SLC35F3: variants seen among roughly 807,000 people sequenced by gnomAD.
SLC35F3 encodes the protein solute carrier family 35 member F3.
Under a neutral mutation model 49.9 loss-of-function variants are expected in SLC35F3, and 25 were observed. The ratio of observed to expected loss-of-function variants is 0.50; its 90% CI spans 0.37 to 0.70. The LOEUF (loss-of-function observed/expected upper bound fraction) is 0.70. Ranked by LOEUF, SLC35F3 falls within the 30% of genes least tolerant of loss-of-function variation. SLC35F3 has a pLI of 0.00. For synonymous variants in SLC35F3, 275 were observed against 265.4 expected, an observed-to-expected ratio of 1.04 and a Z score of -0.35; for missense variants, 525 against 639.8, an observed-to-expected ratio of 0.82 and a Z score of 1.94.
chr1:234,010,746 A>C (rs1663705083), intron 2 of SLC35F3, among the ~76,000 whole-genome samples: 1 of 152,180 alleles, frequency 6.6e-6, no homozygotes, highest in Middle Eastern at 3.2e-3. Context: ...TAGAGCACCT[A>C]AATATAGACT....
intron 2 of SLC35F3, among the ~76,000 whole-genome samples, chr1:234,007,406 G>A (rs984116981): frequency 6.6e-6 from 1 of 152,158 alleles, no homozygotes; most frequent in African/African-American, 2.4e-5. Flanking sequence ...CCAGGGCCAA[G>A]TTCCTCCTGC....
intron 2 of SLC35F3, among the ~76,000 whole-genome samples, chr1:233,930,774 T>A (rs986743820): frequency 5.3e-5 from 8 of 152,194 alleles, no homozygotes; most frequent in Non-Finnish European, 1.2e-4. Flanking sequence ...AAAGAAAATG[T>A]TATTAAGAGA....
At chr1:234,165,059 TG>T (rs1666294140) in intron 2 of SLC35F3, among the ~76,000 whole-genome samples, 1 of 151,438 alleles carries the variant, frequency 6.6e-6, no homozygotes, top group African/African-American at 2.4e-5. Flanking sequence ...TGTGTGTGTG[TG>T]TGTGTGTGTG....
chr1:234,099,172 G>T (rs1329516368), intron 2 of SLC35F3, among the ~76,000 whole-genome samples: 4 of 152,112 alleles, frequency 2.6e-5, no homozygotes, highest in African/African-American at 9.7e-5. Context: ...AATGATGGAG[G>T]TCCAAGTCTG....
At chr1:234,084,717 C>T (rs1272666788) in intron 2 of SLC35F3, among the ~76,000 whole-genome samples, 3 of 152,106 alleles carry the variant, frequency 2.0e-5, no homozygotes. Flanking sequence ...AATGGGTTAT[C>T]ATGTTTCTAG....
At chr1:234,113,734 GC>G (rs1489442876) in intron 2 of SLC35F3, among the ~76,000 whole-genome samples, 10 of 152,270 alleles carry the variant, frequency 6.6e-5, no homozygotes, top group South Asian at 6.2e-4. Context: ...ATGATGGCAT[GC>G]GTCTGTAATC....
intron 3 of SLC35F3, among the ~76,000 whole-genome samples, chr1:234,248,071 G>A (rs1171335229): frequency 2.0e-5 from 3 of 152,172 alleles, no homozygotes; most frequent in African/African-American, 4.8e-5. Context: ...TGTTCAGTAG[G>A]TTGGTTGGCT....
In SLC35F3 at chr1:233,905,592, G is replaced by A. The variant is rs778307321; in HGVS notation, c.117G>A (p.Arg39=). The A allele has an allele frequency of 5.8e-5, 93 of 1,614,050 alleles. No individual in the cohort carries two copies. The highest frequency in any genetic ancestry group is 7.6e-5 in the Non-Finnish European group (90 of 1,180,046). Residue 39 remains arginine, a synonymous_variant, in exon 2 of 8, where the codon CGG becomes CGA. Coordinates refer to ENST00000366618, the MANE Select transcript of SLC35F3 (RefSeq NM_173508.4). The part of the protein sequence containing the change: ...RRLSDISPQL[R]QLKYLVVDEA... ...TGTCCGACATCAGCCCCCAGCTCCG[G>A]CAGCTCAAGTACTTGGTGGTGGACG...
intron 2 of SLC35F3, among the ~76,000 whole-genome samples, chr1:233,941,861 T>C (rs181927610): frequency 3.9e-5 from 6 of 152,324 alleles, no homozygotes; most frequent in Admixed American, 1.3e-4. Context: ...TGAGTCTGAA[T>C]GTATGCGTAC....
chr1:234,162,609 C>T (rs1666246286), intron 2 of SLC35F3, among the ~76,000 whole-genome samples: 1 of 152,052 alleles, frequency 6.6e-6, no homozygotes, highest in Non-Finnish European at 1.5e-5. Flanking sequence ...AGCCCAGCCC[C>T]TCACATACCA....
chr1:234,081,485 C>T (rs1043708434), intron 2 of SLC35F3, among the ~76,000 whole-genome samples: 1 of 152,104 alleles, frequency 6.6e-6, no homozygotes, highest in Non-Finnish European at 1.5e-5. Context: ...GGAGGGGCTA[C>T]GGGAGGCAGG....
At chr1:234,311,536 T>G (rs867090394) in intron 4 of SLC35F3, among the ~76,000 whole-genome samples, 5 of 152,232 alleles carry the variant, frequency 3.3e-5, no homozygotes, top group Non-Finnish European at 7.3e-5. Context: ...CTAAGGAGAC[T>G]TTTGTTATTA....
chr1:234,163,729 A>C (rs573838097), intron 2 of SLC35F3, among the ~76,000 whole-genome samples: 1 of 152,350 alleles, frequency 6.6e-6, no homozygotes, highest in Admixed American at 6.5e-5. Flanking sequence ...CCTTATTTTT[A>C]AACTCATAGA....
At chr1:233,974,051 T>G (rs1310159777) in intron 2 of SLC35F3, among the ~76,000 whole-genome samples, 1 of 152,198 alleles carries the variant, frequency 6.6e-6, no homozygotes, top group East Asian at 1.9e-4. Flanking sequence ...CGTTTGCTTA[T>G]TGAATAGAAA....
chr1:233,954,923 A>G (rs1057188947), intron 2 of SLC35F3, among the ~76,000 whole-genome samples: 6 of 152,236 alleles, frequency 3.9e-5, no homozygotes, highest in East Asian at 1.9e-4. Context: ...GGCTCACTGC[A>G]ACCTCTGCTT....
chr1:234,227,928 G>T (rs1423115219), intron 2 of SLC35F3, among the ~76,000 whole-genome samples: 2 of 152,224 alleles, frequency 1.3e-5, no homozygotes, highest in Non-Finnish European at 2.9e-5. Context: ...GATGTCAAGT[G>T]TGGGGTGCAT....
chr1:234,125,455 C>G (rs999465995), intron 2 of SLC35F3, among the ~76,000 whole-genome samples: 1 of 152,172 alleles, frequency 6.6e-6, no homozygotes, highest in East Asian at 1.9e-4. Context: ...TTCACGTACT[C>G]AAGTATACTC....
chr1:233,927,675 A>T (rs1403168343), intron 2 of SLC35F3, among the ~76,000 whole-genome samples: 2 of 152,124 alleles, frequency 1.3e-5, no homozygotes, highest in African/African-American at 4.8e-5. Flanking sequence ...TGGACACAGA[A>T]AATTAAATAA....
chr1:234,143,215 A>G (rs1572067857), intron 2 of SLC35F3, among the ~76,000 whole-genome samples: 1 of 140,112 alleles, frequency 7.1e-6, no homozygotes. Flanking sequence ...CTTTGTCCCT[A>G]CTCTCCCTGA....
Sources: gnomAD v4.1 joint callset for allele counts (sites outside exome capture counted in the v4.1 genomes callset) on GRCh38, gnomAD v4.1.1 for gene constraint, MANE v1.5 for transcripts, NCBI Gene and HGNC (gene_info 2026-07-23, HGNC 2026-07-21) for gene names.